Variants in NAV3 observed in about 807,000 individuals in gnomAD.
The protein encoded by NAV3 is neuron navigator 3.
A neutral mutation model predicts 244.7 loss-of-function variants in NAV3; 87 were observed. The ratio of observed to expected loss-of-function variants is 0.36; its 90% CI spans 0.30 to 0.42. The LOEUF (loss-of-function observed/expected upper bound fraction) is 0.42. Ranked by LOEUF, NAV3 falls within the 20% of genes least tolerant of loss-of-function variation. The probability of loss-of-function intolerance (pLI) is 1.00; values close to 1 mark genes in which losing one functional copy is unlikely to be tolerated. For missense variants in NAV3, 2,663 were observed against 2,893.3 expected (o/e 0.92, Z 1.83); for synonymous variants, 1,126 against 1,042.2 (o/e 1.08, Z -1.55).
Position 78,097,465 on chromosome 12 carries a change from C to A in NAV3, c.2637-19307C>A, listed in dbSNP as rs541544053. 1.1e-4 allele frequency among the ~76,000 whole-genome samples: 16 copies of A among 152,272 alleles called. 1 individual carries two copies. The highest frequency in any genetic ancestry group is 2.9e-4 in the African/African-American group (12 of 41,562). On this transcript the variant is annotated intron_variant, in intron 12 of 39. Coordinates refer to ENST00000397909, the MANE Select transcript of NAV3 (RefSeq NM_001024383.2). Reference sequence around the variant, plus strand: ...GATGTGAATCTCTTGGCAAACATCTCTCTAATTCTGAACTATCTTTCACCC... The same window carrying A: ...GATGTGAATCTCTTGGCAAACATCTATCTAATTCTGAACTATCTTTCACCC...
At chr12:78,062,140 A>T (rs1212559152) in intron 12 of NAV3, among the ~76,000 whole-genome samples, 1 of 152,200 alleles carries the variant, frequency 6.6e-6, no homozygotes, top group Non-Finnish European at 1.5e-5. Context: ...TTTCACTCAT[A>T]GAACACGAAA....
At chr12:77,640,763 C>A (rs1194310657) in intron 2 of NAV3, among the ~76,000 whole-genome samples, 7 of 151,992 alleles carry the variant, frequency 4.6e-5, no homozygotes, top group Non-Finnish European at 1.0e-4. Flanking sequence ...AATGCCTCAA[C>A]CTAAAGGAAG....
chr12:78,069,854 C>A (rs1257146149), intron 12 of NAV3, among the ~76,000 whole-genome samples: 3 of 151,718 alleles, frequency 2.0e-5, no homozygotes, highest in Admixed American at 2.0e-4. Context: ...TTTTTCTATA[C>A]TTGTTTGATG....
chr12:78,026,161 T>C (rs1317582953), intron 9 of NAV3, among the ~76,000 whole-genome samples: 3 of 152,174 alleles, frequency 2.0e-5, no homozygotes, highest in Non-Finnish European at 4.4e-5. Flanking sequence ...TTAATATCGA[T>C]ATTATCTCAT....
chr12:77,773,427 A>G (rs1870198407), intron 2 of NAV3, among the ~76,000 whole-genome samples: 1 of 152,204 alleles, frequency 6.6e-6, no homozygotes, highest in African/African-American at 2.4e-5. Flanking sequence ...AGGAAAATCA[A>G]CTGCAAATGA....
chr12:78,140,643 G>C (rs1956568694), intron 20 of NAV3, among the ~76,000 whole-genome samples: 1 of 152,222 alleles, frequency 6.6e-6, no homozygotes, highest in East Asian at 1.9e-4. Context: ...CATGTATGTA[G>C]TCTGCTATAC....
intron 12 of NAV3, among the ~76,000 whole-genome samples, chr12:78,062,957 CAG>C (rs1291625595): frequency 6.6e-6 from 1 of 152,008 alleles, no homozygotes; most frequent in Non-Finnish European, 1.5e-5. Context: ...AGTGCAAAAG[CAG>C]AGTCATAGCA....
intron 34 of NAV3, 43 bp downstream of exon 34, chr12:78,190,262 A>G: frequency 6.7e-7 from 1 of 1,484,070 alleles, no homozygotes; most frequent in Non-Finnish European, 9.3e-7. Context: ...ATTTATCCAT[A>G]AGTGTTTTAA....
At position 78,122,328 on chromosome 12, in the gene NAV3, C is replaced by T. The variant is rs892352602; in HGVS notation, c.4138C>T (p.Leu1380Phe). 3 of 1,614,164 alleles carry T rather than the reference C, an allele frequency of 1.9e-6. No individual in the cohort carries two copies. Among genetic ancestry groups the T allele is most frequent in the Non-Finnish European group, 2.5e-6 (3 of 1,180,032 alleles). Reference protein sequence around the residue: ...HTSSESIDLPLSHHGSLSGLT... With the variant: ...HTSSESIDLPFSHHGSLSGLT... Reference sequence around the variant, plus strand: ...GAGCTCTGAGTCCATTGACCTCCCCCTCAGCCATCATGGCTCCTTGTCTGG... The same window carrying T: ...GAGCTCTGAGTCCATTGACCTCCCCTTCAGCCATCATGGCTCCTTGTCTGG... The change falls in exon 16 of 40, where the codon CTC (leucine) becomes TTC (phenylalanine). Residue 1380 changes from leucine to phenylalanine, a missense_variant. Transcript: ENST00000397909.
intron 23 of NAV3, among the ~76,000 whole-genome samples, chr12:78,162,330 CA>C (rs1957578391): frequency 6.6e-6 from 1 of 151,932 alleles, no homozygotes. Context: ...TTTAGTCATT[CA>C]TCAAGTTTAT....
In NAV3 at chr12:77,904,469, G is replaced by T. The variant is rs138180762; in HGVS notation, c.244-35850G>T. On this transcript the variant is annotated intron_variant, in intron 1 of 39. Coordinates refer to ENST00000397909, the MANE Select transcript of NAV3 (RefSeq NM_001024383.2). ...TGAGAACACATGGACACAGGAAGGG[G>T]AACATCACACACTGGGGCCTGTCAT... Among the ~76,000 whole-genome samples the T allele has an allele frequency of 4.4e-3, 666 of 152,218 alleles. 3 individuals are homozygous for T. Among genetic ancestry groups the T allele is most frequent in the Non-Finnish European group, 6.3e-3 (426 of 68,020 alleles).
At chr12:77,879,497 A>T (rs1196458728) in intron 1 of NAV3, among the ~76,000 whole-genome samples, 4 of 151,922 alleles carry the variant, frequency 2.6e-5, no homozygotes, top group Non-Finnish European at 4.4e-5. Flanking sequence ...CAACTTGGAG[A>T]AATCCTGTCT....
At chr12:77,895,727 T>G (rs1884522333) in intron 1 of NAV3, among the ~76,000 whole-genome samples, 1 of 142,218 alleles carries the variant, frequency 7.0e-6, no homozygotes, top group Admixed American at 7.3e-5. Flanking sequence ...ACCACATATA[T>G]GTACCCTCTT....
intron 20 of NAV3, among the ~76,000 whole-genome samples, chr12:78,145,466 G>T (rs935961051): frequency 1.3e-5 from 2 of 152,164 alleles, no homozygotes; most frequent in Admixed American, 6.6e-5. Context: ...GAAAACGAGA[G>T]ATTGTTTTTC....
chr12:77,939,916 A>T (rs1889702662), intron 1 of NAV3, among the ~76,000 whole-genome samples: 1 of 152,182 alleles, frequency 6.6e-6, no homozygotes, highest in African/African-American at 2.4e-5. Context: ...AGAGAAACAC[A>T]ATTTTTTATA....
At chr12:78,019,886 A>C (rs956862781) in intron 8 of NAV3, among the ~76,000 whole-genome samples, 3 of 152,166 alleles carry the variant, frequency 2.0e-5, no homozygotes, top group African/African-American at 7.2e-5. Flanking sequence ...TTAGTTCTAT[A>C]AATGATGGGT....
At chr12:77,916,843 C>A (rs1469865773) in intron 1 of NAV3, among the ~76,000 whole-genome samples, 1 of 151,844 alleles carries the variant, frequency 6.6e-6, no homozygotes, top group Non-Finnish European at 1.5e-5. Context: ...TAAAAAATAT[C>A]TTTTCAGACT....
intron 23 of NAV3, among the ~76,000 whole-genome samples, chr12:78,162,882 A>T (rs11612156): frequency 7.2e-6 from 1 of 139,308 alleles, no homozygotes; most frequent in Non-Finnish European, 1.5e-5. Context: ...ATATATATAT[A>T]ATATATATAA....
At chr12:77,864,472 C>T (rs1220727377) in intron 1 of NAV3, among the ~76,000 whole-genome samples, 1 of 151,868 alleles carries the variant, frequency 6.6e-6, no homozygotes, top group Non-Finnish European at 1.5e-5. Flanking sequence ...GCCTTGCCTT[C>T]CCAATGTCAC....
Sources: gnomAD v4.1 joint callset for allele counts (sites outside exome capture counted in the v4.1 genomes callset) on GRCh38, gnomAD v4.1.1 for gene constraint, MANE v1.5 for transcripts, NCBI Gene and HGNC (gene_info 2026-07-23, HGNC 2026-07-21) for gene names.